Variants in VTI1A observed in about 807,000 individuals in gnomAD.
VTI1A encodes vesicle transport through interaction with t-SNAREs homolog 1A.
A neutral mutation model predicts 34.9 loss-of-function variants in VTI1A; 22 were observed. The observed-to-expected ratio is 0.63, with a 90% CI of 0.45 to 0.90. The LOEUF (loss-of-function observed/expected upper bound fraction) is 0.90, where lower values mean the gene tolerates loss of function less well. Among genes scored for constraint, VTI1A ranks in the 40% least tolerant of loss-of-function variants. The probability of loss-of-function intolerance (pLI) is 0.00; values close to 1 mark genes in which losing one functional copy is unlikely to be tolerated. For synonymous variants in VTI1A, 87 were observed against 97.3 expected, an observed-to-expected ratio of 0.89 and a Z score of 0.62; for missense variants, 268 against 275.6, an observed-to-expected ratio of 0.97 and a Z score of 0.20.
chr10:112,553,026 T>G (rs1055825216), intron 5 of VTI1A, among the ~76,000 whole-genome samples: 1 of 152,202 alleles, frequency 6.6e-6, no homozygotes, highest in Admixed American at 6.5e-5. Context: ...TGCTAACAAA[T>G]TCAAATGAAC....
At chr10:112,572,012 G>GA (rs1347184335) in intron 5 of VTI1A, among the ~76,000 whole-genome samples, 1 of 151,970 alleles carries the variant, frequency 6.6e-6, no homozygotes, top group Non-Finnish European at 1.5e-5. Flanking sequence ...CACAAAGGCT[G>GA]AAAAATTATT....
At chr10:112,707,945 G>T (rs1849257700) in intron 7 of VTI1A, among the ~76,000 whole-genome samples, 1 of 152,184 alleles carries the variant, frequency 6.6e-6, no homozygotes, top group African/African-American at 2.4e-5. Flanking sequence ...ATTAGCAGCT[G>T]CAGTCCTGGT....
intron 7 of VTI1A, among the ~76,000 whole-genome samples, chr10:112,806,200 T>C (rs775517617): frequency 5.1e-4 from 78 of 152,140 alleles, no homozygotes; most frequent in Non-Finnish European, 1.0e-3. Flanking sequence ...TACACCTAAA[T>C]TGATGTTAGC....
intron 3 of VTI1A, among the ~76,000 whole-genome samples, chr10:112,505,879 T>C (rs7358235): frequency 0.011 from 1,725 of 152,228 alleles, 34 homozygotes; most frequent in African/African-American, 0.04. Flanking sequence ...TTCTATCTTA[T>C]TTATTAAAAT....
intron 5 of VTI1A, among the ~76,000 whole-genome samples, chr10:112,599,591 C>CT (rs1181705727): frequency 2.6e-5 from 4 of 151,978 alleles, no homozygotes; most frequent in South Asian, 4.2e-4. Flanking sequence ...TTTTTTCTTT[C>CT]TTTTTTTTAA....
chr10:112,675,453 A>G (rs1022989436), intron 7 of VTI1A, among the ~76,000 whole-genome samples: 2 of 152,180 alleles, frequency 1.3e-5, no homozygotes, highest in African/African-American at 2.4e-5. Context: ...CCTGAAAGCA[A>G]TGAACAAACC....
the VTI1A span, chr10:112,831,513 C>T: frequency 2.0e-5 from 3 of 152,196 alleles, no homozygotes; most frequent in Non-Finnish European, 4.4e-5. Flanking sequence ...AGATTCTCCC[C>T]TATTTTAAGA....
At chr10:112,452,215 G>A (rs536132655) in intron 1 of VTI1A, among the ~76,000 whole-genome samples, 3 of 152,062 alleles carry the variant, frequency 2.0e-5, no homozygotes, top group Non-Finnish European at 4.4e-5. Context: ...TTTTTCAATT[G>A]AGCATACAGG....
At chr10:112,637,450 C>T (rs963893273) in intron 5 of VTI1A, among the ~76,000 whole-genome samples, 3 of 152,140 alleles carry the variant, frequency 2.0e-5, no homozygotes, top group African/African-American at 7.2e-5. Flanking sequence ...GGGCGGATCA[C>T]GAGGTCAAGA....
intron 5 of VTI1A, among the ~76,000 whole-genome samples, chr10:112,583,721 G>C (rs889789303): frequency 6.6e-6 from 1 of 152,186 alleles, no homozygotes; most frequent in Non-Finnish European, 1.5e-5. Flanking sequence ...CAGTGTTATA[G>C]CAGAGCAGGG....
At chr10:112,682,117 G>GA (rs906923783) in intron 7 of VTI1A, among the ~76,000 whole-genome samples, 16 of 151,954 alleles carry the variant, frequency 1.1e-4, no homozygotes, top group Non-Finnish European at 1.5e-4. Context: ...TCTGTATAAA[G>GA]AAAAAAAGAA....
At chr10:112,711,475 C>T (rs975876091) in intron 7 of VTI1A, among the ~76,000 whole-genome samples, 32 of 152,186 alleles carry the variant, frequency 2.1e-4, no homozygotes, top group African/African-American at 6.8e-4. Context: ...CTAATAATCA[C>T]CCCGGACATT....
intron 3 of VTI1A, among the ~76,000 whole-genome samples, chr10:112,526,815 G>A (rs541253372): frequency 2.4e-4 from 36 of 152,150 alleles, no homozygotes; most frequent in African/African-American, 8.4e-4. Flanking sequence ...TTTGAATGGC[G>A]ATGTATGGAA....
At chr10:112,617,909 C>CTT (rs1418301702) in intron 5 of VTI1A, among the ~76,000 whole-genome samples, 1 of 152,144 alleles carries the variant, frequency 6.6e-6, no homozygotes, top group Non-Finnish European at 1.5e-5. Flanking sequence ...AATCCCAGCA[C>CTT]TTTGGGAGGC....
intron 5 of VTI1A, among the ~76,000 whole-genome samples, chr10:112,569,456 T>C (rs1182270392): frequency 1.3e-5 from 2 of 152,244 alleles, no homozygotes; most frequent in Non-Finnish European, 2.9e-5. Flanking sequence ...TGTTTAATTA[T>C]GCCAATTGAC....
chr10:112,460,590 CAGA>C lies in VTI1A; in HGVS notation c.153+9_153+11del. On this transcript the variant is annotated intron_variant, in intron 2 of 7. Coordinates refer to ENST00000393077, the MANE Select transcript of VTI1A (RefSeq NM_145206.4). ...GAAGAAGCGAAAGAACTGGTATGTA[CAGA>C]CAGTAATGTATTTTAACACACAGCC... is the stretch of plus-strand genomic sequence containing the variant. 6.3e-7 allele frequency: 1 copy of C among 1,592,130 alleles called. No individual in the cohort carries two copies. Among genetic ancestry groups the C allele is most frequent in the Non-Finnish European group, 8.5e-7 (1 of 1,170,428 alleles).
intron 4 of VTI1A, among the ~76,000 whole-genome samples, chr10:112,536,887 T>A (rs1287979490): frequency 3.3e-5 from 5 of 151,950 alleles, no homozygotes; most frequent in African/African-American, 9.7e-5. Flanking sequence ...AATGATAACA[T>A]ACTAATCACT....
chr10:112,830,403 T>G, the VTI1A span, among the ~76,000 whole-genome samples: 1 of 151,096 alleles, frequency 6.6e-6, no homozygotes, highest in Non-Finnish European at 1.5e-5. Flanking sequence ...TGGAATGTTC[T>G]CCTCCTCTTC....
intron 7 of VTI1A, chr10:112,737,390 T>G: frequency 9.7e-7 from 1 of 1,031,386 alleles, no homozygotes; most frequent in Non-Finnish European, 1.2e-6. Flanking sequence ...ATTATTCATT[T>G]TGTCCCATAA....
Sources: allele counts gnomAD v4.1 joint callset (sites outside exome capture counted in the v4.1 genomes callset), GRCh38; gene constraint gnomAD v4.1.1; transcripts MANE v1.5; gene names NCBI Gene and HGNC (gene_info 2026-07-23, HGNC 2026-07-21).